The following REST variants were observed in gnomAD, a reference collection of about 807,000 sequenced individuals.
REST encodes the protein RE1-silencing transcription factor.
In REST, 1 loss-of-function variant was observed where a neutral mutation model predicts 30.4. That is an observed-to-expected ratio of 0.03 (90% confidence interval 0.01 to 0.16). REST has a LOEUF of 0.16. REST is among the 10% of genes least tolerant of loss of function. REST has a pLI of 1.00. For missense variants in REST, 1,259 were observed against 1,329.5 expected, an observed-to-expected ratio of 0.95 and a Z score of 0.82; for synonymous variants, 504 against 451.1, an observed-to-expected ratio of 1.12 and a Z score of -1.49.
intron 2 of REST, among the ~76,000 whole-genome samples, chr4:56,916,668 A>G (rs1207638773): frequency 6.6e-6 from 1 of 152,242 alleles, no homozygotes; most frequent in Non-Finnish European, 1.5e-5. Context: ...AAAAGAATTT[A>G]AAAGTAAATT....
At chr4:56,928,206 A>G (rs536336657) in intron 3 of REST, among the ~76,000 whole-genome samples, 3 of 152,088 alleles carry the variant, frequency 2.0e-5, no homozygotes, top group Non-Finnish European at 4.4e-5. Flanking sequence ...TTCTGGGTCC[A>G]AGCAATTCTC....
intron 2 of REST, among the ~76,000 whole-genome samples, chr4:56,915,931 G>A (rs1168029252): frequency 6.6e-6 from 1 of 152,168 alleles, no homozygotes; most frequent in African/African-American, 2.4e-5. Context: ...TGTTCCCAAG[G>A]TCATATACAA....
At chr4:56,913,756 C>T (rs547905013) in intron 2 of REST, among the ~76,000 whole-genome samples, 1 of 152,254 alleles carries the variant, frequency 6.6e-6, no homozygotes, top group Admixed American at 6.5e-5. Flanking sequence ...TCAAGCGATT[C>T]TCATGCCTCA....
At chr4:56,918,522 C>A (rs1033803595) in intron 2 of REST, among the ~76,000 whole-genome samples, 1 of 152,026 alleles carries the variant, frequency 6.6e-6, no homozygotes, top group African/African-American at 2.4e-5. Flanking sequence ...AAATTGATGA[C>A]CTTCTCTTAA....
intron 3 of REST, among the ~76,000 whole-genome samples, chr4:56,926,301 C>T (rs940748630): frequency 6.6e-6 from 1 of 152,056 alleles, no homozygotes. Flanking sequence ...TCTCCAACTC[C>T]TGACCTCTTG....
At chr4:56,910,572 A>C in intron 1 of REST, 58 bp from the exon 2 acceptor site, 1 of 1,412,968 alleles carries the variant, frequency 7.1e-7, no homozygotes, top group East Asian at 2.3e-5. Flanking sequence ...ATGTGGTTTT[A>C]AGCCAGTAAC....
At chr4:56,920,781 A>G (rs1395510402) in intron 3 of REST, among the ~76,000 whole-genome samples, 1 of 152,212 alleles carries the variant, frequency 6.6e-6, no homozygotes, top group East Asian at 1.9e-4. Context: ...CAAGTGGCCA[A>G]GTTAAAAAGT....
At position 56,931,203 on chromosome 4, in the gene REST, C is replaced by G. The variant is rs745537305; in HGVS notation, c.2345C>G (p.Ser782Cys). 6.2e-7 allele frequency: 1 copy of G among 1,614,198 alleles called. No individual in the cohort carries two copies. The highest frequency in any genetic ancestry group is 8.5e-7 in the Non-Finnish European group (1 of 1,180,014). The part of the protein sequence containing the change: ...VQKEPVQMEL[S>C]PPMGVVQKEP... ...AAGGAGCCTGTTCAGATGGAGTTGT[C>G]TCCTCCCATGGGGGTGGTTCAGAAG... is the stretch of plus-strand genomic sequence containing the variant. Residue 782 changes from serine to cysteine, a missense_variant, in exon 4 of 4, where the codon TCT (serine) becomes TGT (cysteine). By Grantham distance (112) the Ser-to-Cys change is moderately radical (BLOSUM62 -1). Coordinates refer to ENST00000309042, the MANE Select transcript of REST (RefSeq NM_005612.5).
chr4:56,931,923 A>C lies in REST; in HGVS notation c.3065A>C (p.Asn1022Thr). The change falls in exon 4 of 4, where the codon AAC (asparagine) becomes ACC (threonine). Residue 1022 changes from asparagine to threonine, a missense_variant. Physicochemically the swap from Asn to Thr is moderately conservative, Grantham distance 65. Around this residue, in one of 5 missense-constraint regions of REST, gnomAD observed 856 missense variants for 772.8 expected, o/e 1.11. Coordinates refer to ENST00000309042, the MANE Select transcript of REST (RefSeq NM_005612.5). ...CATGAAGGAAGTGACCTAAGTGACA[A>C]CATGTCAGAGGGTAGTGATGATTCT... Reference protein sequence around the residue: ...HSHEGSDLSDNMSEGSDDSGL... With the variant: ...HSHEGSDLSDTMSEGSDDSGL... 6.2e-7 allele frequency: 1 copy of C among 1,614,222 alleles called. No individual in the cohort carries two copies. Among genetic ancestry groups the C allele is most frequent in the African/African-American group, 1.3e-5 (1 of 75,050 alleles).
At chr4:56,917,676 A>G (rs1226659366) in intron 2 of REST, among the ~76,000 whole-genome samples, 1 of 152,218 alleles carries the variant, frequency 6.6e-6, no homozygotes, top group African/African-American at 2.4e-5. Context: ...CAGATGGGGA[A>G]ACGGTGTTTT....
At chr4:56,912,865 C>G (rs899878898) in intron 2 of REST, among the ~76,000 whole-genome samples, 2 of 151,884 alleles carry the variant, frequency 1.3e-5, no homozygotes, top group Non-Finnish European at 2.9e-5. Context: ...AGGCTGGTCT[C>G]AAACTCCTGA....
chr4:56,933,999 C>G lies in REST; in HGVS notation c.*1847C>G, dbSNP rs1721062870. 6.6e-6 allele frequency: 1 copy of G among 152,160 alleles called. No homozygotes were observed. Among genetic ancestry groups the G allele is most frequent in the Admixed American group, 6.5e-5 (1 of 15,272 alleles). The allele number at this position is 152,160 out of a possible 1,614,324, so 9.4% of individuals were successfully genotyped here. A position where few individuals can be genotyped will look rare whatever the true frequency, so the allele number is the denominator to read the frequency against. ...AAGTTTGAGTTAAAAGTTGTTTGAA[C>G]ATGGCATTGACTGGGAGGCCAAAGA... On this transcript the variant is annotated 3_prime_UTR_variant, in exon 4 of 4. Coordinates refer to ENST00000309042, the MANE Select transcript of REST (RefSeq NM_005612.5).
chr4:56,932,248 T>A lies in REST; in HGVS notation c.*96T>A, dbSNP rs536844723. On this transcript the variant is annotated 3_prime_UTR_variant, in exon 4 of 4. Coordinates refer to ENST00000309042, the MANE Select transcript of REST (RefSeq NM_005612.5). ...AGACAACCTTTTAAGATTGCTTTAA[T>A]TAGTATCTGATGTTGATTTTTAAGT... is the stretch of plus-strand genomic sequence containing the variant. 6 of 1,320,214 alleles carry A rather than the reference T, an allele frequency of 4.5e-6. No homozygotes were observed. The Admixed American group carries it at 1.4e-4, about 31-fold the overall frequency. 81.8% of individuals were successfully genotyped at this position (1,320,214 alleles called of 1,614,324 possible).
chr4:56,914,000 A>G (rs1283245798), intron 2 of REST, among the ~76,000 whole-genome samples: 2 of 151,198 alleles, frequency 1.3e-5, no homozygotes, highest in African/African-American at 4.9e-5. Flanking sequence ...CAGTGGCGAG[A>G]TCACTGCTCA....
At chr4:56,910,118 T>A (rs1719827939) in intron 1 of REST, among the ~76,000 whole-genome samples, 1 of 152,214 alleles carries the variant, frequency 6.6e-6, no homozygotes, top group South Asian at 2.1e-4. Flanking sequence ...TCCAATTAAG[T>A]TGAACAATTA....
At chr4:56,916,623 C>A (rs1262833069) in intron 2 of REST, among the ~76,000 whole-genome samples, 1 of 151,932 alleles carries the variant, frequency 6.6e-6, no homozygotes, top group Non-Finnish European at 1.5e-5. Flanking sequence ...GGCGACAGAG[C>A]GAGACTGCGT....
chr4:56,919,449 A>T (rs1035524635), intron 2 of REST, among the ~76,000 whole-genome samples: 1 of 152,164 alleles, frequency 6.6e-6, no homozygotes, highest in Non-Finnish European at 1.5e-5. Flanking sequence ...GTGATTCTTA[A>T]TATAACAAAA....
At chr4:56,929,578 A>G (rs747873269) in intron 3 of REST, among the ~76,000 whole-genome samples, 5 of 152,220 alleles carry the variant, frequency 3.3e-5, no homozygotes, top group Admixed American at 6.5e-5. Flanking sequence ...TATGTCTTAA[A>G]GAATCTCTGT....
intron 3 of REST, among the ~76,000 whole-genome samples, chr4:56,925,334 T>C (rs1014597693): frequency 6.6e-6 from 1 of 152,086 alleles, no homozygotes; most frequent in Non-Finnish European, 1.5e-5. Context: ...CACCTCAGCC[T>C]CTGGAGTAGG....
Sources: allele counts gnomAD v4.1 joint callset (sites outside exome capture counted in the v4.1 genomes callset), GRCh38; gene constraint gnomAD v4.1.1; regional missense constraint gnomAD v4.1.1; transcripts MANE v1.5; gene names NCBI Gene and HGNC (gene_info 2026-07-23, HGNC 2026-07-21).